Variants in SPP1 observed in about 807,000 individuals in gnomAD.
SPP1 encodes osteopontin.
Under a neutral mutation model 20.8 loss-of-function variants are expected in SPP1, and 18 were observed. The ratio of observed to expected loss-of-function variants is 0.87; its 90% CI spans 0.60 to 1.29. The LOEUF (loss-of-function observed/expected upper bound fraction) is 1.29, where lower values mean the gene tolerates loss of function less well. Among genes scored for constraint, SPP1 ranks in the 50% most tolerant of loss-of-function variants. The pLI, the probability that SPP1 is intolerant of heterozygous loss-of-function variation, is 0.00. For synonymous variants in SPP1, 146 were observed against 141.5 expected (o/e 1.03, Z -0.23); for missense variants, 363 against 389.0 (o/e 0.93, Z 0.56).
In SPP1 at chr4:87,981,760, AG is replaced by A; in HGVS notation, c.504del (p.Arg168SerfsTer31). ...GRGDSVVYGL[R>X]SKSKKFRRPD... ...AGGTGATAGTGTGGTTTATGGACTG[AG>A]GTCAAAATCTAAGAAGTTTCGCAGA... On this transcript the variant is annotated frameshift_variant, in exon 6 of 7. Transcript: ENST00000395080. LOFTEE classifies it low-confidence loss of function (END_TRUNC). The A allele has an allele frequency of 6.2e-7, 1 of 1,614,146 alleles. No individual in the cohort carries two copies. The highest frequency in any genetic ancestry group is 1.1e-5 in the South Asian group (1 of 91,090).
At chr4:87,981,343 C>T in intron 5 of SPP1, 132 bp from the exon 6 acceptor site, 1 of 744,678 alleles carries the variant, frequency 1.3e-6, no homozygotes, top group Non-Finnish European at 2.1e-6. Context: ...TCCTAAAAGC[C>T]ATGGTATGTA....
intron 5 of SPP1, 77 bp downstream of exon 5, chr4:87,980,511 A>T (rs1725597537): frequency 6.7e-7 from 1 of 1,490,940 alleles, no homozygotes; most frequent in Non-Finnish European, 9.1e-7. Flanking sequence ...TTCTCTTCTG[A>T]TGAAATTTCA....
Position 87,982,744 on chromosome 4 carries a change from G to A in SPP1, c.793G>A (p.Glu265Lys), listed in dbSNP as rs1725712915. ...GCATTCCGATGTGATTGATAGTCAG[G>A]AACTTTCCAAAGTCAGCCGTGAATT... ...NEHSDVIDSQ[E>K]LSKVSREFHS... is the part of the protein sequence containing the mutation. Residue 265 changes from glutamate to lysine, a missense_variant, in exon 7 of 7, where the codon GAA (glutamate) becomes AAA (lysine). Physicochemically the swap from Glu to Lys is moderately conservative, Grantham distance 56. Transcript: ENST00000395080. The A allele has an allele frequency of 1.2e-6, 2 of 1,614,064 alleles. No individual in the cohort carries two copies. Among genetic ancestry groups the A allele is most frequent in the Non-Finnish European group, 1.7e-6 (2 of 1,180,016 alleles).
Position 87,980,428 on chromosome 4 carries a change from AC to A in SPP1, c.211del (p.Gln71LysfsTer41), listed in dbSNP as rs1725594199. On this transcript the variant is annotated frameshift_variant, in exon 5 of 7. Coordinates refer to ENST00000395080, the MANE Select transcript of SPP1 (RefSeq NM_001040058.2). LOFTEE classifies it high-confidence loss of function. The stretch of plus-strand genomic sequence containing the variant: ...CCTCTGAAGAAACCAATGACTTTAA[AC>A]AAGAGGTAAGTTCTCATTTTCAATC... ...VSSEETNDFK[Q>X]ETLPSKSNES... 1.2e-6 allele frequency: 2 copies of A among 1,614,138 alleles called. No individual in the cohort carries two copies. The highest frequency in any genetic ancestry group is 4.5e-5 in the East Asian group (2 of 44,888).
rs115720575 is a variant in SPP1, at chr4:87,982,489, C to T, written c.541-3C>T. ...ATTATTCTTCATTTGTGCCGTGATT[C>T]AGTACCCTGATGCTACAGACGAGGA... On this transcript the variant is annotated splice_region_variant and splice_polypyrimidine_tract_variant and intron_variant, in intron 6 of 6. Transcript: ENST00000395080. The T allele has an allele frequency of 1.2e-5, 19 of 1,611,204 alleles. No homozygotes were observed. Among genetic ancestry groups the T allele is most frequent in the Middle Eastern group, 3.3e-4 (2 of 6,050 alleles).
At chr4:87,982,423 G>A (rs909638833) in intron 6 of SPP1, 69 bp from the exon 7 acceptor site, 74 of 1,532,564 alleles carry the variant, frequency 4.8e-5, no homozygotes, top group Admixed American at 3.5e-4. Flanking sequence ...GCTAGAGAGT[G>A]GAAAAGGATT....
intron 5 of SPP1, 92 bp downstream of exon 5, chr4:87,980,526 C>G: frequency 7.2e-7 from 1 of 1,387,708 alleles, no homozygotes; most frequent in Non-Finnish European, 9.9e-7. Context: ...ATTTCATTAG[C>G]AAGTTTTCCA....
chr4:87,981,554 G>T lies in SPP1; in HGVS notation c.296G>T (p.Ser99Ile). The part of the protein sequence containing the change: ...DDEDDDDHVD[S>I]QDSIDSNDSD... ...GAAGATGATGATGACCATGTGGACAGCCAGGACTCCATTGACTCGAACGAC... is the reference window on the plus strand; with the variant it reads ...GAAGATGATGATGACCATGTGGACATCCAGGACTCCATTGACTCGAACGAC... The change falls in exon 6 of 7, where the codon AGC becomes ATC. Residue 99 changes from serine to isoleucine, a missense_variant. Transcript: ENST00000395080. 3 of 1,614,144 alleles carry T rather than the reference G, an allele frequency of 1.9e-6. No homozygotes were observed. Among genetic ancestry groups the T allele is most frequent in the Non-Finnish European group, 2.5e-6 (3 of 1,179,988 alleles).
intron 1 of SPP1, among the ~76,000 whole-genome samples, chr4:87,976,560 A>C (rs1419710726): frequency 6.6e-6 from 1 of 152,106 alleles, no homozygotes; most frequent in East Asian, 1.9e-4. Context: ...GTTACTGTTG[A>C]TCTGTTTGTA....
chr4:87,977,795 T>G (rs745662324), intron 3 of SPP1: 51 of 1,284,494 alleles, frequency 4.0e-5, no homozygotes, highest in Middle Eastern at 4.3e-4. Flanking sequence ...AAGGCCAAAA[T>G]AGAGCTGCCT....
chr4:87,978,765 A>T (rs1264059477), intron 3 of SPP1, among the ~76,000 whole-genome samples: 1 of 152,102 alleles, frequency 6.6e-6, no homozygotes, highest in Admixed American at 6.6e-5. Context: ...CTCTGGTTAG[A>T]GCCAGCCATG....
Position 87,980,070 on chromosome 4 carries a change from G to A in SPP1, c.118G>A (p.Val40Met), listed in dbSNP as rs1725581367. 6.2e-7 allele frequency: 1 copy of A among 1,614,056 alleles called. No individual in the cohort carries two copies. Among genetic ancestry groups the A allele is most frequent in the Non-Finnish European group, 8.5e-7 (1 of 1,180,014 alleles). ...KQLYNKYPDA[V>M]ATWLNPDPSQ... ...GCTTTACAACAAATACCCAGATGCT[G>A]TGGCCACATGGCTAAACCCTGACCC... The change falls in exon 4 of 7, where the codon GTG (valine) becomes ATG (methionine). Residue 40 changes from valine to methionine, a missense_variant. Val to Met is a conservative substitution (Grantham distance 21). Coordinates refer to ENST00000395080, the MANE Select transcript of SPP1 (RefSeq NM_001040058.2).
At chr4:87,979,270 T>C (rs1453585726) in intron 3 of SPP1, among the ~76,000 whole-genome samples, 1 of 150,958 alleles carries the variant, frequency 6.6e-6, no homozygotes, top group African/African-American at 2.4e-5. Flanking sequence ...GTTCACGCCA[T>C]TCTCTTGCCT....
Position 87,982,385 on chromosome 4 carries a change from A to G in SPP1, c.541-107A>G, listed in dbSNP as rs370055120. The stretch of plus-strand genomic sequence containing the variant: ...CTAGTATTATTTCAGCCAGATTTAG[A>G]CAATTTTTAGTATAAGATGACCTAA... On this transcript the variant is annotated intron_variant, in intron 6 of 6. Coordinates refer to ENST00000395080, the MANE Select transcript of SPP1 (RefSeq NM_001040058.2). 3 of 1,361,802 alleles carry G rather than the reference A, an allele frequency of 2.2e-6. No homozygotes were observed. In the Admixed American group the frequency reaches 8.0e-5, roughly 36 times the overall value. The allele number at this position is 1,361,802 out of a possible 1,614,324, so 84.4% of individuals were successfully genotyped here.
At position 87,982,939 on chromosome 4, in the gene SPP1, G is replaced by GA. The variant is rs764742162; in HGVS notation, c.*49dup. On this transcript the variant is annotated 3_prime_UTR_variant, in exon 7 of 7. Transcript: ENST00000395080. Reference sequence around the variant, plus strand: ...TTTCTCACTTTGCATTTAGTCAAAAGAAAAAATGCTTTATAGCAAAATGAA... The same window carrying GA: ...TTTCTCACTTTGCATTTAGTCAAAAGAAAAAAATGCTTTATAGCAAAATGAA... The GA allele has an allele frequency of 6.6e-7, 1 of 1,525,618 alleles. No individual in the cohort carries two copies. The highest frequency in any genetic ancestry group is 1.3e-5 in the South Asian group (1 of 76,186). The allele number at this position is 1,525,618 out of a possible 1,614,324, so 94.5% of individuals were successfully genotyped here. A position where few individuals can be genotyped will look rare whatever the true frequency, so the allele number is the denominator to read the frequency against.
chr4:87,979,510 G>C (rs1725562316), intron 3 of SPP1, among the ~76,000 whole-genome samples: 1 of 152,186 alleles, frequency 6.6e-6, no homozygotes, highest in South Asian at 2.1e-4. Context: ...ATAGCTCCAT[G>C]TGGTTAGAGG....
chr4:87,981,488 A>G lies in SPP1; in HGVS notation c.230A>G (p.Lys77Arg). 1 of 1,614,038 alleles carries G rather than the reference A, an allele frequency of 6.2e-7. No individual in the cohort carries two copies. Among genetic ancestry groups the G allele is most frequent in the Non-Finnish European group, 8.5e-7 (1 of 1,179,908 alleles). The change falls in exon 6 of 7, where the codon AAG becomes AGG. Residue 77 changes from lysine to arginine, a missense_variant. Physicochemically the swap from Lys to Arg is conservative, Grantham distance 26. Transcript: ENST00000395080. ...CTTAATTTTCAGACCCTTCCAAGTA[A>G]GTCCAACGAAAGCCATGACCACATG... ...NDFKQETLPS[K>R]SNESHDHMDD...
intron 6 of SPP1, among the ~76,000 whole-genome samples, chr4:87,982,097 C>T (rs1174487645): frequency 1.3e-5 from 2 of 152,064 alleles, no homozygotes; most frequent in African/African-American, 4.8e-5. Context: ...AAATAATGGT[C>T]ATGTTTTGAA....
rs778072957 is a variant in SPP1, at chr4:87,977,051, T to C, written c.55-8T>C. 2 of 1,613,980 alleles carry C rather than the reference T, an allele frequency of 1.2e-6. No individual in the cohort carries two copies. The highest frequency in any genetic ancestry group is 2.7e-5 in the African/African-American group (2 of 74,950). On this transcript the variant is annotated splice_polypyrimidine_tract_variant and splice_region_variant and intron_variant, in intron 2 of 6. Coordinates refer to ENST00000395080, the MANE Select transcript of SPP1 (RefSeq NM_001040058.2). ...TTGTAATCTTTCTTCATCTTTTCTG[T>C]TTCTAAGGTTAAACAGGCTGATTCT...
Sources: gnomAD v4.1 joint callset for allele counts (sites outside exome capture counted in the v4.1 genomes callset) on GRCh38, gnomAD v4.1.1 for gene constraint, MANE v1.5 for transcripts, NCBI Gene and HGNC (gene_info 2026-07-23, HGNC 2026-07-21) for gene names.